The following KARS1 variants were observed in gnomAD, a reference collection of about 807,000 sequenced individuals.
KARS1 encodes lysine--tRNA ligase.
KARS1 carries 50 observed loss-of-function variants against 63.9 expected under a neutral mutation model. The observed-to-expected ratio is 0.78, with a 90% CI of 0.62 to 0.99. KARS1 has a LOEUF of 0.99. Ranked by LOEUF, KARS1 falls within the 50% of genes least tolerant of loss-of-function variation. The probability of loss-of-function intolerance (pLI) is 0.00; values close to 1 mark genes in which losing one functional copy is unlikely to be tolerated. For synonymous variants in KARS1, 320 were observed against 264.6 expected (o/e 1.21, Z -2.03); for missense variants, 816 against 754.5 (o/e 1.08, Z -0.95).
chr16:75,645,630 T>C (rs998824550), intron 1 of KARS1, among the ~76,000 whole-genome samples: 1 of 152,102 alleles, frequency 6.6e-6, no homozygotes, highest in African/African-American at 2.4e-5. Flanking sequence ...ACGGATCACC[T>C]GAGCTCAGCA....
At position 75,635,946 on chromosome 16, in the gene KARS1, A is replaced by G. The variant is rs1427794225; in HGVS notation, c.635T>C (p.Met212Thr). The change falls in exon 5 of 14, where the codon ATG (methionine) becomes ACG (threonine). Residue 212 changes from methionine (M) to threonine (T), a missense_variant. By Grantham distance (81) the Met-to-Thr change is moderately conservative (BLOSUM62 -1). Transcript: ENST00000302445. ...EITLLSPCLH[M>T]LPHLHFGLKD... ...GAGGCCAAAGTGAAGATGAGGTAAC[A>G]TATGCAAACAGGGAGACAGCAGTGT... 1.2e-6 allele frequency: 2 copies of G among 1,614,224 alleles called. No homozygotes were observed. The highest frequency in any genetic ancestry group is 1.6e-4 in the Middle Eastern group (1 of 6,062).
At chr16:75,644,365 A>G (rs761069738) in intron 1 of KARS1, 1 of 1,612,072 alleles carries the variant, frequency 6.2e-7, no homozygotes, top group Non-Finnish European at 8.5e-7. Flanking sequence ...CTGTGACCCC[A>G]CTCTGCCCAG....
chr16:75,639,991 A>G, intron 3 of KARS1, 193 bp downstream of exon 3: 1 of 609,690 alleles, frequency 1.6e-6, no homozygotes, highest in Non-Finnish European at 2.9e-6. Flanking sequence ...GCACTACCTC[A>G]TCTGGAATAT....
At chr16:75,644,176 T>A in intron 1 of KARS1, 1 of 980,238 alleles carries the variant, frequency 1.0e-6, no homozygotes, top group South Asian at 1.6e-5. Context: ...GCTCCTTGTT[T>A]CCTTAGCAAC....
At chr16:75,630,586 A>C in intron 10 of KARS1, 78 bp from the exon 11 acceptor site, 20 of 840,070 alleles carry the variant, frequency 2.4e-5, no homozygotes, top group East Asian at 5.0e-5. Context: ...AGAAGATCTC[A>C]GCTCCCATCC....
chr16:75,639,779 A>ATT (rs761047261), intron 3 of KARS1: 24 of 158,510 alleles, frequency 1.5e-4, no homozygotes, highest in South Asian at 3.1e-4. Flanking sequence ...AAAAGATGTG[A>ATT]TTTTTTTTTT....
chr16:75,632,274 T>G (rs1465054024), intron 7 of KARS1, among the ~76,000 whole-genome samples: 2 of 152,214 alleles, frequency 1.3e-5, no homozygotes, highest in Admixed American at 6.5e-5. Context: ...TTAGGTATAC[T>G]CTCAGGTCTC....
At chr16:75,635,646 C>T (rs1340864557) in intron 6 of KARS1, 34 bp downstream of exon 6, 1 of 1,612,352 alleles carries the variant, frequency 6.2e-7, no homozygotes, top group Non-Finnish European at 8.5e-7. Flanking sequence ...CATTGCAAGG[C>T]AGCTCATCAC....
intron 3 of KARS1, among the ~76,000 whole-genome samples, chr16:75,637,779 C>CA (rs72500765): frequency 0.25 from 22,748 of 90,980 alleles, 2,536 homozygotes; most frequent in Middle Eastern, 0.33. Flanking sequence ...AACTCAGTCT[C>CA]AAAAAAAAAA....
intron 10 of KARS1, 89 bp from the exon 11 acceptor site, chr16:75,630,597 A>G: frequency 1.3e-6 from 1 of 766,662 alleles, no homozygotes; most frequent in Admixed American, 1.8e-5. Flanking sequence ...GCTCCCATCC[A>G]GATGGGTTTA....
intron 7 of KARS1, 144 bp from the exon 8 acceptor site, chr16:75,631,999 T>C (rs750478279): frequency 9.4e-6 from 9 of 956,636 alleles, no homozygotes; most frequent in Non-Finnish European, 9.9e-6. Flanking sequence ...GCAATTCTCC[T>C]GCCCCAGCCT....
At chr16:75,644,408 T>C in intron 1 of KARS1, 1 of 1,611,916 alleles carries the variant, frequency 6.2e-7, no homozygotes, top group Non-Finnish European at 8.5e-7. Context: ...TAACAAGCCT[T>C]ACAGCAGCTT....
rs776736207 is a variant in KARS1 at position 75,629,480 on chromosome 16, A to G, written c.1486T>C (p.Cys496Arg). The G allele has an allele frequency of 2.9e-5, 47 of 1,614,094 alleles. No individual in the cohort carries two copies. Among genetic ancestry groups the G allele is most frequent in the Non-Finnish European group, 3.8e-5 (45 of 1,180,012 alleles). ...FELFVMKKEI[C>R]NAYTELNDPM... ...TCATTCAGCTCAGTATACGCATTGC[A>G]TATCTCTTTCTTCATGACAAACAGC... Residue 496 changes from cysteine to arginine, a missense_variant, in exon 12 of 14, where the codon TGC becomes CGC. By Grantham distance (180) the Cys-to-Arg change is radical. Transcript: ENST00000302445.
intron 3 of KARS1, among the ~76,000 whole-genome samples, chr16:75,639,164 G>C (rs973125113): frequency 6.6e-6 from 1 of 151,368 alleles, no homozygotes; most frequent in Non-Finnish European, 1.5e-5. Context: ...GCAAGACTTC[G>C]CCTCAAAAAA....
intron 3 of KARS1, 142 bp downstream of exon 3, chr16:75,640,042 A>G (rs2082205702): frequency 4.1e-6 from 3 of 732,594 alleles, no homozygotes; most frequent in Non-Finnish European, 7.4e-6. Flanking sequence ...TTCTGTATAG[A>G]TATAATGGCA....
chr16:75,643,379 C>CTTT (rs764979861), intron 1 of KARS1, among the ~76,000 whole-genome samples: 1 of 141,006 alleles, frequency 7.1e-6, no homozygotes, highest in Non-Finnish European at 1.6e-5. Flanking sequence ...AATCTTTCAC[C>CTTT]TTTTTTTTTT....
chr16:75,628,936 T>C, intron 12 of KARS1: 1 of 583,124 alleles, frequency 1.7e-6, no homozygotes, highest in African/African-American at 1.9e-5. Flanking sequence ...CACATACAAA[T>C]TTCTCTGAAA....
At position 75,631,482 on chromosome 16, in the gene KARS1, T is replaced by A; in HGVS notation, c.1186A>T (p.Met396Leu). 6.2e-7 allele frequency: 1 copy of A among 1,614,200 alleles called. No homozygotes were observed. Among genetic ancestry groups the A allele is most frequent in the Non-Finnish European group, 8.5e-7 (1 of 1,180,024 alleles). ...AGGGCTTTCTCAAGCTCTTCTACCA[T>A]GTTGATTCGCCGGAAGGGTGGGGTG... is the stretch of plus-strand genomic sequence containing the variant. ...DFTPPFRRIN[M>L]VEELEKALGM... Residue 396 changes from methionine to leucine, a missense_variant, in exon 9 of 14, where the codon ATG becomes TTG. Coordinates refer to ENST00000302445, the MANE Select transcript of KARS1 (RefSeq NM_005548.3).
At chr16:75,628,256 C>G (rs1275668770) in intron 13 of KARS1, among the ~76,000 whole-genome samples, 1 of 152,228 alleles carries the variant, frequency 6.6e-6, no homozygotes, top group Non-Finnish European at 1.5e-5. Flanking sequence ...ATTTCCTCAT[C>G]TATAAAAATG....
Sources: gnomAD v4.1 joint callset for allele counts (sites outside exome capture counted in the v4.1 genomes callset) on GRCh38, gnomAD v4.1.1 for gene constraint, MANE v1.5 for transcripts, NCBI Gene and HGNC (gene_info 2026-07-23, HGNC 2026-07-21) for gene names.